The following ZNF665 variants were observed in gnomAD, a reference collection of about 807,000 sequenced individuals.
The protein encoded by ZNF665 is zinc finger protein 665.
A neutral mutation model predicts 7.9 loss-of-function variants in ZNF665; 6 were observed. The ratio of observed to expected loss-of-function variants is 0.76; its 90% confidence interval spans 0.42 to 1.50. The LOEUF (loss-of-function observed/expected upper bound fraction) is 1.50, where lower values mean the gene tolerates loss of function less well. ZNF665 is among the 40% of genes most tolerant of loss of function. The pLI is 0.01. For missense variants in ZNF665, 819 were observed against 806.7 expected, an observed-to-expected ratio of 1.02 and a Z score of -0.18; for synonymous variants, 242 against 274.5, an observed-to-expected ratio of 0.88 and a Z score of 1.17.
At position 53,166,068 on chromosome 19, in the gene ZNF665, A is replaced by G. The variant is rs539534953; in HGVS notation, c.422T>C (p.Leu141Pro). The G allele has an allele frequency of 3.7e-6, 6 of 1,614,146 alleles. 1 individual carries two copies. The South Asian group carries it at 4.4e-5, about 12-fold the overall frequency. The change falls in exon 4 of 4, where the codon CTT becomes CCT. Residue 141 changes from leucine (L) to proline (P), a missense_variant. Transcript: ENST00000396424. ...AAGNRHIENQLGVSFQSHLPE... is the reference protein window; with the variant it reads ...AAGNRHIENQPGVSFQSHLPE... ...GAGATGTGACTGAAAGCTTACTCCA[A>G]GCTGATTTTCAATATGCCTGTTTCC...
At chr19:53,173,284 T>C (rs561933662) in intron 3 of ZNF665, among the ~76,000 whole-genome samples, 2 of 152,246 alleles carry the variant, frequency 1.3e-5, no homozygotes, top group East Asian at 3.9e-4. Context: ...CAATACTTAT[T>C]GAAAAAACTG....
rs571483703 is a variant in ZNF665, at chr19:53,163,337, G to A, written c.*1116C>T. On this transcript the variant is annotated 3_prime_UTR_variant, in exon 4 of 4. Transcript: ENST00000396424. Reference sequence around the variant, plus strand: ...CGTGAGCCACTGTGCCCGGCCAGTAGAGAATTTCTTCCCATACCCACAGTG... The same window carrying A: ...CGTGAGCCACTGTGCCCGGCCAGTAAAGAATTTCTTCCCATACCCACAGTG... The A allele has an allele frequency of 1.3e-5, 2 of 152,324 alleles. No homozygotes were observed. The highest frequency in any genetic ancestry group is 3.9e-4 in the East Asian group (2 of 5,166). The allele number at this position is 152,324 out of a possible 1,614,324, so 9.4% of individuals were successfully genotyped here. A position where few individuals can be genotyped will look rare whatever the true frequency, so the allele number is the denominator to read the frequency against.
rs1472960929 is a variant in ZNF665, at chr19:53,166,823, A to G, written c.143-476T>C. On this transcript the variant is annotated intron_variant, in intron 3 of 3. Transcript: ENST00000396424. ...TGTAATGAATAATTAAAGAACTAGT[A>G]ATTTTGAATTGGAAAACAATAATAG... 2.6e-5 allele frequency among the ~76,000 whole-genome samples: 4 copies of G among 152,332 alleles called. No individual in the cohort carries two copies. The East Asian group carries it at 7.7e-4, about 29-fold the overall frequency.
chr19:53,165,204 G>A lies in ZNF665; in HGVS notation c.1286C>T (p.Pro429Leu), dbSNP rs771514469. 38 of 1,614,150 alleles carry A rather than the reference G, an allele frequency of 2.4e-5. No individual in the cohort carries two copies. The South Asian group carries it at 4.1e-4, about 17-fold the overall frequency. ...TTTGCCACACTCATCACACCTGTAAGGTTTCTCTCCAGTATGAATTCTTCG... is the reference window on the plus strand; with the variant it reads ...TTTGCCACACTCATCACACCTGTAAAGTTTCTCTCCAGTATGAATTCTTCG... ...NHRRIHTGEK[P>L]YRCDECGKAF... The change falls in exon 4 of 4, where the codon CCT becomes CTT. Residue 429 changes from proline (P) to leucine (L), a missense_variant. By Grantham distance (98) the Pro-to-Leu change is moderately conservative. Coordinates refer to ENST00000396424, the MANE Select transcript of ZNF665 (RefSeq NM_024733.5).
In ZNF665 at chr19:53,166,007, A is replaced by T; in HGVS notation, c.483T>A (p.Ile161=). ...ELQQFQHEGK[I]YEYNQVEKSP... is the part of the protein sequence containing the mutation. ...ACTTCTCAACTTGATTGTATTCATA[A>T]ATTTTCCCTTCATGTTGAAATTGCT... Residue 161 remains isoleucine, a synonymous_variant, in exon 4 of 4, where the codon ATT becomes ATA. Transcript: ENST00000396424. 1 of 1,613,840 alleles carries T rather than the reference A, an allele frequency of 6.2e-7. No individual in the cohort carries two copies. Among genetic ancestry groups the T allele is most frequent in the Non-Finnish European group, 8.5e-7 (1 of 1,179,826 alleles).
intron 3 of ZNF665, 63 bp from the exon 4 acceptor site, chr19:53,166,410 T>C: frequency 2.2e-6 from 3 of 1,377,128 alleles, no homozygotes; most frequent in East Asian, 2.4e-5. Flanking sequence ...CTATTTCCCA[T>C]TGAAAAACCT....
chr19:53,189,358 C>T (rs1436977275), intron 1 of ZNF665, among the ~76,000 whole-genome samples: 1 of 151,372 alleles, frequency 6.6e-6, no homozygotes, highest in Admixed American at 6.6e-5. Flanking sequence ...CCGGTAGTGG[C>T]CCCGAATGTC....
chr19:53,171,524 A>ATATATATATATATTTTTTT (rs372855271), intron 3 of ZNF665, among the ~76,000 whole-genome samples: 1 of 69,318 alleles, frequency 1.4e-5, no homozygotes, highest in Non-Finnish European at 2.6e-5. Flanking sequence ...ATATATATAT[A>ATATATATATATATTTTTTT]TTTTTTTTTT....
Position 53,184,060 on chromosome 19 carries a change from G to T in ZNF665, c.-45-1117C>A, listed in dbSNP as rs143331217. 4.5e-4 allele frequency among the ~76,000 whole-genome samples: 69 copies of T among 152,174 alleles called. No individual in the cohort carries two copies. In the Middle Eastern group the frequency reaches 0.027, roughly 60 times the overall value. Reference sequence around the variant, plus strand: ...AGCTCAGGAGTTTGAGACCAGCCTGGGCAACATGGCAAAACCCCATCTGTA... The same window carrying T: ...AGCTCAGGAGTTTGAGACCAGCCTGTGCAACATGGCAAAACCCCATCTGTA... On this transcript the variant is annotated intron_variant, in intron 1 of 3. Transcript: ENST00000396424.
At chr19:53,171,414 G>A (rs1406824255) in intron 3 of ZNF665, among the ~76,000 whole-genome samples, 1 of 149,164 alleles carries the variant, frequency 6.7e-6, no homozygotes, top group Non-Finnish European at 1.5e-5. Flanking sequence ...ATAGGAGGTG[G>A]CTATGAAATT....
At chr19:53,191,537 A>G (rs754812910) in intron 1 of ZNF665, among the ~76,000 whole-genome samples, 10 of 152,202 alleles carry the variant, frequency 6.6e-5, no homozygotes, top group Non-Finnish European at 1.0e-4. Flanking sequence ...AAATATATAC[A>G]TATAAAATTT....
chr19:53,168,010 T>C (rs1163032550), intron 3 of ZNF665, among the ~76,000 whole-genome samples: 43 of 136,206 alleles, frequency 3.2e-4, no homozygotes, highest in Non-Finnish European at 4.9e-4. Context: ...GAGCCGAGAT[T>C]GTGCCATTGC....
intron 1 of ZNF665, among the ~76,000 whole-genome samples, chr19:53,189,342 C>T (rs996376017): frequency 3.3e-5 from 5 of 151,426 alleles, no homozygotes; most frequent in Admixed American, 6.6e-5. Flanking sequence ...CACCAATGCA[C>T]GGAGACCGGT....
chr19:53,171,793 T>C (rs1206176967), intron 3 of ZNF665, among the ~76,000 whole-genome samples: 4 of 152,046 alleles, frequency 2.6e-5, no homozygotes, highest in African/African-American at 9.7e-5. Context: ...CTCATTCTGA[T>C]GCCCAAGCTA....
At chr19:53,172,745 A>C (rs2146853326) in intron 3 of ZNF665, among the ~76,000 whole-genome samples, 1 of 148,124 alleles carries the variant, frequency 6.8e-6, no homozygotes, top group Admixed American at 6.9e-5. Context: ...GAATCACTTG[A>C]ACCTGGGAGG....
chr19:53,169,574 C>G (rs2090641663), intron 3 of ZNF665, among the ~76,000 whole-genome samples: 1 of 151,910 alleles, frequency 6.6e-6, no homozygotes, highest in Non-Finnish European at 1.5e-5. Context: ...GGTACATGTG[C>G]ATAATGTGCA....
At position 53,164,224 on chromosome 19, in the gene ZNF665, G is replaced by A. The variant is rs558231972; in HGVS notation, c.*229C>T. ...CATGATCTCGCTCACTGCAACCTCC[G>A]CCTCCCAGGTTCAAGTGATTCTCCT... On this transcript the variant is annotated 3_prime_UTR_variant, in exon 4 of 4. Transcript: ENST00000396424. 19 of 266,100 alleles carry A rather than the reference G, an allele frequency of 7.1e-5. No homozygotes were observed. Among genetic ancestry groups the A allele is most frequent in the South Asian group, 1.7e-4 (2 of 11,986 alleles). The allele number at this position is 266,100 out of a possible 1,614,324, so 16.5% of individuals were successfully genotyped here. A position where few individuals can be genotyped will look rare whatever the true frequency, so the allele number is the denominator to read the frequency against.
intron 3 of ZNF665, among the ~76,000 whole-genome samples, chr19:53,173,816 C>T (rs1339384907): frequency 6.6e-6 from 1 of 152,096 alleles, no homozygotes; most frequent in African/African-American, 2.4e-5. Flanking sequence ...CAATGAATCC[C>T]ATGCTCAAGT....
intron 2 of ZNF665, chr19:53,182,100 G>T (rs7246747): frequency 0.19 from 28,658 of 152,592 alleles, 3,958 homozygotes; most frequent in East Asian, 0.55. Flanking sequence ...GGGCGCGGTA[G>T]TTCACGCCTG....
Sources: allele counts gnomAD v4.1 joint callset (sites outside exome capture counted in the v4.1 genomes callset), GRCh38; gene constraint gnomAD v4.1.1; transcripts MANE v1.5; gene names NCBI Gene and HGNC (gene_info 2026-07-23, HGNC 2026-07-21).